DNHD1: variants seen among roughly 807,000 people sequenced by gnomAD.
The protein encoded by DNHD1 is dynein heavy chain domain-containing protein 1.
A neutral mutation model predicts 458.1 loss-of-function variants in DNHD1; 383 were observed. The observed-to-expected ratio is 0.84, with a 90% CI of 0.77 to 0.91. The LOEUF (loss-of-function observed/expected upper bound fraction) is 0.91. Ranked by LOEUF, DNHD1 falls within the 40% of genes least tolerant of loss-of-function variation. The pLI, the probability that DNHD1 is intolerant of heterozygous loss-of-function variation, is 0.00. For synonymous variants in DNHD1, 2,203 were observed against 2,376.9 expected (o/e 0.93, Z 2.13); for missense variants, 5,336 against 5,866.1 (o/e 0.91, Z 2.95).
chr11:6,521,631 A>G (rs1474105050), intron 10 of DNHD1, among the ~76,000 whole-genome samples: 2 of 152,256 alleles, frequency 1.3e-5, no homozygotes, highest in Non-Finnish European at 2.9e-5. Flanking sequence ...AAGGGTATTC[A>G]TAGTACCATT....
At position 6,521,429 on chromosome 11, in the gene DNHD1, A is replaced by C. The variant is rs141750725; in HGVS notation, c.1837+1140A>C. On this transcript the variant is annotated intron_variant, in intron 10 of 42. Coordinates refer to ENST00000254579, the MANE Select transcript of DNHD1 (RefSeq NM_144666.3). Reference sequence around the variant, plus strand: ...ATTCTAAATTCTAGTGAAGCTGAAAATATTCACCTACCATGTCTTAGGTTG... The same window carrying C: ...ATTCTAAATTCTAGTGAAGCTGAAACTATTCACCTACCATGTCTTAGGTTG... 8.9e-3 allele frequency among the ~76,000 whole-genome samples: 1,354 copies of C among 152,330 alleles called. 19 individuals are homozygous for C. Among genetic ancestry groups the C allele is most frequent in the African/African-American group, 0.031 (1,274 of 41,576 alleles).
chr11:6,513,860 T>C lies in DNHD1; in HGVS notation c.1392+2431T>C, dbSNP rs559972398. ...AGCTGCCTTTCATTCTTTTTTTTTTTTGAGACGGAGTCTCATTCTGTCGCC... is the reference window on the plus strand; with the variant it reads ...AGCTGCCTTTCATTCTTTTTTTTTTCTGAGACGGAGTCTCATTCTGTCGCC... On this transcript the variant is annotated intron_variant, in intron 7 of 42. Coordinates refer to ENST00000254579, the MANE Select transcript of DNHD1 (RefSeq NM_144666.3). Among the ~76,000 whole-genome samples, 93 of 152,292 alleles carry C rather than the reference T, an allele frequency of 6.1e-4. 1 individual carries two copies. Among genetic ancestry groups the C allele is most frequent in the Middle Eastern group, 3.4e-3 (1 of 294 alleles).
intron 24 of DNHD1, among the ~76,000 whole-genome samples, chr11:6,549,647 C>T (rs1853294545): frequency 2.0e-5 from 3 of 152,170 alleles, no homozygotes; most frequent in African/African-American, 4.8e-5. Flanking sequence ...TCCATAGGCT[C>T]GGTTAGATAT....
At chr11:6,541,778 G>C (rs1853102081) in intron 18 of DNHD1, among the ~76,000 whole-genome samples, 1 of 152,174 alleles carries the variant, frequency 6.6e-6, no homozygotes, top group African/African-American at 2.4e-5. Flanking sequence ...GGATTGAAGG[G>C]AGGCAAGGAA....
In DNHD1 at chr11:6,546,165, T is replaced by C. The variant is rs942078234; in HGVS notation, c.5226T>C (p.His1742=). The C allele has an allele frequency of 3.2e-6, 5 of 1,551,064 alleles. No homozygotes were observed. The highest frequency in any genetic ancestry group is 1.4e-5 in the African/African-American group (1 of 73,164). ...GGAWLLLEKV[H]QLPPGLLSAL... The stretch of plus-strand genomic sequence containing the variant: ...CCTGGCTGCTGTTGGAGAAAGTTCA[T>C]CAGCTGCCCCCTGGCTTGCTCTCTG... Residue 1742 remains histidine, a synonymous_variant, in exon 21 of 43, where the codon CAT becomes CAC. Transcript: ENST00000254579.
In DNHD1 at chr11:6,528,702, C is replaced by T. The variant is rs1852765909; in HGVS notation, c.2018C>T (p.Pro673Leu). The change falls in exon 11 of 43, where the codon CCC (proline) becomes CTC (leucine). Residue 673 changes from proline (P) to leucine (L), a missense_variant. Transcript: ENST00000254579. ...RGCRLRGQYF[P>L]HNYKQLEEDL... The stretch of plus-strand genomic sequence containing the variant: ...TGTCGGCTGCGGGGCCAATACTTCC[C>T]CCACAATTATAAGCAGCTGGAGGAA... 1 of 1,551,586 alleles carries T rather than the reference C, an allele frequency of 6.4e-7. No homozygotes were observed.
Position 6,547,503 on chromosome 11 carries a change from A to AACATTGCGATTCCTCACCTGCC in DNHD1, c.6566_6587dup (p.Gln2196HisfsTer38), listed in dbSNP as rs1437234636. 1 of 1,551,060 alleles carries AACATTGCGATTCCTCACCTGCC rather than the reference A, an allele frequency of 6.4e-7. No individual in the cohort carries two copies. Among genetic ancestry groups the AACATTGCGATTCCTCACCTGCC allele is most frequent in the East Asian group, 2.4e-5 (1 of 40,872 alleles). On this transcript the variant is annotated frameshift_variant, in exon 21 of 43. Coordinates refer to ENST00000254579, the MANE Select transcript of DNHD1 (RefSeq NM_144666.3). LOFTEE classifies it high-confidence loss of function. ...ACATGGCTGAGGTTCTGGTGCCTGC[A>AACATTGCGATTCCTCACCTGCC]ACATTGCGATTCCTCACCTGCCAAG... is the stretch of plus-strand genomic sequence containing the variant.
rs1243526451 is a variant in DNHD1 at position 6,547,580 on chromosome 11, T to A, written c.6641T>A (p.Val2214Glu). Reference sequence around the variant, plus strand: ...GGGCAGCAGGCTGTTTGTGCAGGTGTGGCAGAAGTTACCAGCATGGCACGC... The same window carrying A: ...GGGCAGCAGGCTGTTTGTGCAGGTGAGGCAGAAGTTACCAGCATGGCACGC... The part of the protein sequence containing the change: ...VHGQQAVCAG[V>E]AEVTSMARIL... The change falls in exon 21 of 43, where the codon GTG (valine) becomes GAG (glutamate). Residue 2214 changes from valine to glutamate, a missense_variant. Around this residue, in one of 4 missense-constraint regions of DNHD1, gnomAD observed 3,932 missense variants for 4,365.6 expected, o/e 0.90. Transcript: ENST00000254579. 1.3e-6 allele frequency: 2 copies of A among 1,549,336 alleles called. No homozygotes were observed. The highest frequency in any genetic ancestry group is 1.2e-5 in the South Asian group (1 of 84,006).
intron 24 of DNHD1, among the ~76,000 whole-genome samples, chr11:6,552,272 C>T: frequency 7.5e-6 from 1 of 134,124 alleles, no homozygotes; most frequent in East Asian, 2.0e-4. Flanking sequence ...GCCTGTAATC[C>T]CAGCACTTTG....
At position 6,568,557 on chromosome 11, in the gene DNHD1, G is replaced by A; in HGVS notation, c.12642G>A (p.Glu4214=). 6.2e-7 allele frequency: 1 copy of A among 1,614,040 alleles called. No homozygotes were observed. The highest frequency in any genetic ancestry group is 8.5e-7 in the Non-Finnish European group (1 of 1,179,906). ...DFRLWLIVPA[E]SSASLPAVLT... ...GTCTTTGGCTTATTGTGCCTGCAGA[G>A]TCTAGTGCTTCTTTGCCAGGTGAGG... Residue 4214 remains glutamate, a synonymous_variant, in exon 38 of 43, where the codon GAG becomes GAA. Transcript: ENST00000254579.
At position 6,566,260 on chromosome 11, in the gene DNHD1, C is replaced by T; in HGVS notation, c.11073C>T (p.Thr3691=). Residue 3691 remains threonine (T), a synonymous_variant, in exon 34 of 43, where the codon ACC becomes ACT. Coordinates refer to ENST00000254579, the MANE Select transcript of DNHD1 (RefSeq NM_144666.3). ...AAACGLPVLL[T]NVELGLGCEE... Reference sequence around the variant, plus strand: ...TCACAGGCCTGCCTGTGTTACTGACCAATGTGGAGCTGGGTCTAGGGTGCG... The same window carrying T: ...TCACAGGCCTGCCTGTGTTACTGACTAATGTGGAGCTGGGTCTAGGGTGCG... 2 of 1,551,642 alleles carry T rather than the reference C, an allele frequency of 1.3e-6. No homozygotes were observed. The highest frequency in any genetic ancestry group is 1.7e-6 in the Non-Finnish European group (2 of 1,146,956).
At chr11:6,523,944 C>T (rs1852655554) in intron 10 of DNHD1, among the ~76,000 whole-genome samples, 2 of 152,178 alleles carry the variant, frequency 1.3e-5, no homozygotes, top group South Asian at 4.1e-4. Context: ...GGCATGATCA[C>T]ACCACTGCAT....
chr11:6,557,725 A>G lies in DNHD1; in HGVS notation c.8430A>G (p.Leu2810=), dbSNP rs1208245434. The G allele has an allele frequency of 1.5e-5, 24 of 1,551,630 alleles. No homozygotes were observed. Among genetic ancestry groups the G allele is most frequent in the Non-Finnish European group, 1.8e-5 (21 of 1,147,004 alleles). Residue 2810 remains leucine, a synonymous_variant, in exon 25 of 43, where the codon CTA becomes CTG. Transcript: ENST00000254579. The part of the protein sequence containing the change: ...ISPLLLPVLL[L]HPQEKPSDLV... ...CCTTGTTGTTACCAGTGTTACTACT[A>G]CATCCCCAGGAAAAGCCCTCAGACC... is the stretch of plus-strand genomic sequence containing the variant.
chr11:6,501,313 T>A (rs1047634323), intron 3 of DNHD1, among the ~76,000 whole-genome samples: 2 of 151,838 alleles, frequency 1.3e-5, no homozygotes, highest in African/African-American at 4.8e-5. Flanking sequence ...TTTTTTTTTT[T>A]TTTTGATAGA....
intron 10 of DNHD1, among the ~76,000 whole-genome samples, chr11:6,521,193 A>AT (rs1471778815): frequency 1.3e-5 from 2 of 152,254 alleles, no homozygotes; most frequent in Non-Finnish European, 2.9e-5. Context: ...TATTTTAAAG[A>AT]TTAAAAGAGA....
Position 6,529,002 on chromosome 11 carries a change from A to C in DNHD1, c.2228A>C (p.Tyr743Ser). 6.4e-7 allele frequency: 1 copy of C among 1,551,538 alleles called. No individual in the cohort carries two copies. Among genetic ancestry groups the C allele is most frequent in the Non-Finnish European group, 8.7e-7 (1 of 1,146,970 alleles). Residue 743 changes from tyrosine to serine, a missense_variant, in exon 12 of 43, where the codon TAC becomes TCC. Physicochemically the swap from Tyr to Ser is moderately radical, Grantham distance 144. This residue lies in a region of DNHD1 where 3,932 missense variants were observed against 4,365.6 expected (regional missense o/e 0.90). Coordinates refer to ENST00000254579, the MANE Select transcript of DNHD1 (RefSeq NM_144666.3). Reference sequence around the variant, plus strand: ...ATGAGAGGTGGTCCCATCAAGAACTACGTGACGCTGGTGAGCCGCCTGAAT... The same window carrying C: ...ATGAGAGGTGGTCCCATCAAGAACTCCGTGACGCTGGTGAGCCGCCTGAAT... ...EDMRGGPIKNYVTLVSRLNVW... is the reference protein window; with the variant it reads ...EDMRGGPIKNSVTLVSRLNVW...
chr11:6,503,295 A>G (rs1011262766), intron 4 of DNHD1: 2 of 169,390 alleles, frequency 1.2e-5, no homozygotes, highest in Admixed American at 6.4e-5. Context: ...AAATCTTTAC[A>G]GTGTCAGGAA....
Position 6,571,831 on chromosome 11 carries a change from A to G in DNHD1, c.14107A>G (p.Thr4703Ala). Residue 4703 changes from threonine (T) to alanine (A), a missense_variant, in exon 43 of 43, where the codon ACT becomes GCT. Coordinates refer to ENST00000254579, the MANE Select transcript of DNHD1 (RefSeq NM_144666.3). This position sits in a 1 kb window ranked among gnomAD's most constrained non-coding sequence, Gnocchi z 5.0. ...TSDLPAPADLTVYSCPVYMGG... is the reference protein window; with the variant it reads ...TSDLPAPADLAVYSCPVYMGG... ...TGACCTGCCAGCCCCAGCCGACCTG[A>G]CTGTGTACTCGTGTCCTGTGTACAT... 1.2e-6 allele frequency: 2 copies of G among 1,613,928 alleles called. No individual in the cohort carries two copies. The highest frequency in any genetic ancestry group is 1.7e-6 in the Non-Finnish European group (2 of 1,179,866).
At chr11:6,526,296 A>C (rs1369816113) in intron 10 of DNHD1, among the ~76,000 whole-genome samples, 3 of 151,618 alleles carry the variant, frequency 2.0e-5, no homozygotes, top group African/African-American at 7.3e-5. Flanking sequence ...CTGTCACATA[A>C]TTTCTGAGTT....
Sources: gnomAD v4.1 joint callset for allele counts (sites outside exome capture counted in the v4.1 genomes callset) on GRCh38, gnomAD v4.1.1 for gene constraint, gnomAD v4.1.1 regional missense constraint, Gnocchi (gnomAD v3.1) non-coding constraint, MANE v1.5 for transcripts, NCBI Gene and HGNC (gene_info 2026-07-23, HGNC 2026-07-21) for gene names.